RBKS: variants seen among roughly 807,000 people sequenced by gnomAD.
RBKS encodes ribokinase.
Under a neutral mutation model 33.9 loss-of-function variants are expected in RBKS, and 33 were observed. That is an observed-to-expected ratio of 0.97 (90% CI 0.74 to 1.30). RBKS has a LOEUF of 1.30. Ranked by LOEUF, RBKS falls within the 50% of genes most tolerant of loss-of-function variation. RBKS has a pLI of 0.00. For synonymous variants in RBKS, 125 were observed against 143.0 expected, an observed-to-expected ratio of 0.87 and a Z score of 0.90; for missense variants, 361 against 392.6, an observed-to-expected ratio of 0.92 and a Z score of 0.68.
chr2:27,863,059 TTAAAAA>T (rs1323515943), intron 1 of RBKS, among the ~76,000 whole-genome samples: 1 of 151,034 alleles, frequency 6.6e-6, no homozygotes, highest in African/African-American at 2.4e-5. Context: ...ATTGCTCAAA[TTAAAAA>T]GAAAAGGAAA....
chr2:27,873,971 C>T (rs1341002219), intron 1 of RBKS, among the ~76,000 whole-genome samples: 2 of 152,226 alleles, frequency 1.3e-5, no homozygotes, highest in East Asian at 3.9e-4. Flanking sequence ...ATACAAGAAA[C>T]ACTCCAAGTC....
intron 6 of RBKS, among the ~76,000 whole-genome samples, chr2:27,831,826 GA>G (rs887312641): frequency 6.6e-6 from 1 of 152,080 alleles, no homozygotes; most frequent in African/African-American, 2.4e-5. Flanking sequence ...GAGGTGGGAG[GA>G]TTGCTTAAAC....
chr2:27,797,324 G>C (rs1677684300), intron 7 of RBKS, among the ~76,000 whole-genome samples: 1 of 152,222 alleles, frequency 6.6e-6, no homozygotes, highest in African/African-American at 2.4e-5. Context: ...CTAGCAAGAG[G>C]GGCAGCTTCT....
intron 4 of RBKS, among the ~76,000 whole-genome samples, chr2:27,843,734 G>T (rs918509525): frequency 5.3e-5 from 8 of 152,196 alleles, no homozygotes; most frequent in African/African-American, 7.2e-5. Context: ...ATAGAAAATT[G>T]TATCAGATAT....
In RBKS at chr2:27,881,156, G is replaced by A. The variant is rs567448432; in HGVS notation, c.89+9101C>T. ...TCCAGCTATTTGGGAGGTTAATGTC[G>A]GGGGATTGCTGGAGCCTGGAAGTTG... On this transcript the variant is annotated intron_variant, in intron 1 of 7. Transcript: ENST00000302188. Among the ~76,000 whole-genome samples the A allele has an allele frequency of 6.6e-5, 10 of 152,226 alleles. No individual in the cohort carries two copies. The South Asian group carries it at 2.1e-3, about 32-fold the overall frequency.
chr2:27,890,357 G>A lies in RBKS; in HGVS notation c.-12C>T, dbSNP rs765442643. The A allele has an allele frequency of 2.0e-5, 32 of 1,611,880 alleles. No individual in the cohort carries two copies. The East Asian group carries it at 2.0e-4, about 10-fold the overall frequency. On this transcript the variant is annotated 5_prime_UTR_variant, in exon 1 of 8. Transcript: ENST00000302188. The surrounding 1 kb of genome is among the most constrained non-coding windows in gnomAD (Gnocchi z 4.8). ...CCAGACGCCGCCATCGCTCAAAGGT[G>A]CTGCTGTCCAACCTGGACGGTGACC... is the stretch of plus-strand genomic sequence containing the variant.
At chr2:27,832,802 T>G in intron 5 of RBKS, 25 bp from the exon 6 acceptor site, 1 of 1,422,234 alleles carries the variant, frequency 7.0e-7, no homozygotes, top group Non-Finnish European at 9.9e-7. Context: ...AAAAGGGGGT[T>G]ATTATTAGTT....
chr2:27,860,112 C>T (rs1207105158), intron 1 of RBKS, among the ~76,000 whole-genome samples: 2 of 152,030 alleles, frequency 1.3e-5, no homozygotes, highest in Non-Finnish European at 2.9e-5. Context: ...CTATTTTTAT[C>T]TTGGATTCTA....
intron 1 of RBKS, among the ~76,000 whole-genome samples, chr2:27,865,571 CTTTTTTTT>C (rs5830052): frequency 1.6e-5 from 1 of 63,944 alleles, no homozygotes; most frequent in Non-Finnish European, 3.3e-5. Context: ...TCTCCTCCTC[CTTTTTTTT>C]TTTTTTTTTT....
intron 7 of RBKS, among the ~76,000 whole-genome samples, chr2:27,803,971 G>A (rs1284139557): frequency 6.6e-6 from 1 of 152,108 alleles, no homozygotes; most frequent in African/African-American, 2.4e-5. Flanking sequence ...GAACCCGGGA[G>A]GTGGAGGTTG....
chr2:27,843,195 A>G lies in RBKS; in HGVS notation c.386T>C (p.Leu129Ser), dbSNP rs779606532. The stretch of plus-strand genomic sequence containing the variant: ...CCTCAGATCCTCCGTATTCAAAAGT[A>G]AATTTGCTCCAGCCACTATGACAAT... ...NIIVIVAGAN[L>S]LLNTEDLRAA... Residue 129 changes from leucine (L) to serine (S), a missense_variant, in exon 5 of 8, where the codon TTA becomes TCA. Transcript: ENST00000302188. 3 of 1,612,578 alleles carry G rather than the reference A, an allele frequency of 1.9e-6. No individual in the cohort carries two copies. The South Asian group carries it at 3.3e-5, about 18-fold the overall frequency.
intron 7 of RBKS, among the ~76,000 whole-genome samples, chr2:27,825,351 G>A (rs554236739): frequency 6.6e-6 from 1 of 152,284 alleles, no homozygotes; most frequent in African/African-American, 2.4e-5. Flanking sequence ...GCCACGTCAT[G>A]TACAAAGATT....
At chr2:27,796,322 G>T (rs1393412931) in intron 7 of RBKS, among the ~76,000 whole-genome samples, 1 of 152,070 alleles carries the variant, frequency 6.6e-6, no homozygotes, top group Non-Finnish European at 1.5e-5. Flanking sequence ...ATCATTCTTG[G>T]AATAATGAAA....
At chr2:27,834,659 G>C (rs1678481944) in intron 5 of RBKS, among the ~76,000 whole-genome samples, 1 of 152,034 alleles carries the variant, frequency 6.6e-6, no homozygotes, top group African/African-American at 2.4e-5. Flanking sequence ...AAACTTTTTA[G>C]GTTTTCAGAA....
chr2:27,862,230 G>A (rs577687209), intron 1 of RBKS, among the ~76,000 whole-genome samples: 8 of 152,126 alleles, frequency 5.3e-5, no homozygotes, highest in African/African-American at 7.2e-5. Context: ...GATTGCATGC[G>A]TGAGCCACCG....
At chr2:27,832,335 G>A (rs1208927433) in intron 6 of RBKS, among the ~76,000 whole-genome samples, 1 of 152,092 alleles carries the variant, frequency 6.6e-6, no homozygotes, top group East Asian at 1.9e-4. Context: ...AAATTTAACT[G>A]GGCATCCTGC....
intron 1 of RBKS, among the ~76,000 whole-genome samples, chr2:27,860,513 A>G (rs72810550): frequency 0.029 from 4,380 of 152,308 alleles, 105 homozygotes; most frequent in South Asian, 0.1. Flanking sequence ...TCTGGGTTAC[A>G]ATTCACTGGT....
At chr2:27,781,823 G>A in intron 7 of RBKS, 35 bp from the exon 8 acceptor site, 1 of 1,558,556 alleles carries the variant, frequency 6.4e-7, no homozygotes, top group Non-Finnish European at 8.7e-7. Context: ...AGATAAGCAT[G>A]TAGTCAATCT....
chr2:27,881,907 C>T (rs1001596846), intron 1 of RBKS, among the ~76,000 whole-genome samples: 1 of 152,064 alleles, frequency 6.6e-6, no homozygotes, highest in African/African-American at 2.4e-5. Context: ...ACACCATATA[C>T]AAAAATCGAC....
Sources: allele counts gnomAD v4.1 joint callset (sites outside exome capture counted in the v4.1 genomes callset), GRCh38; gene constraint gnomAD v4.1.1; non-coding constraint Gnocchi (gnomAD v3.1); transcripts MANE v1.5; gene names NCBI Gene and HGNC (gene_info 2026-07-23, HGNC 2026-07-21).